The following MYH10 variants were observed in gnomAD, a reference collection of about 807,000 sequenced individuals.
MYH10 encodes myosin heavy chain 10, also known as myosin-10.
Under a neutral mutation model 257.8 loss-of-function variants are expected in MYH10, and 55 were observed. That is an observed-to-expected ratio of 0.21 (90% CI 0.17 to 0.27). MYH10 has a LOEUF of 0.27. Among genes scored for constraint, MYH10 ranks in the 10% least tolerant of loss-of-function variants. The pLI is 1.00. For missense variants in MYH10, 1,631 were observed against 2,500.6 expected (o/e 0.65, Z 7.42); for synonymous variants, 854 against 921.7 (o/e 0.93, Z 1.33).
At chr17:8,596,213 C>CAA (rs1163851808) in intron 3 of MYH10, among the ~76,000 whole-genome samples, 1 of 148,924 alleles carries the variant, frequency 6.7e-6, no homozygotes, top group African/African-American at 2.5e-5. Context: ...AGTGCAGTGG[C>CAA]GCGATCTTGG....
intron 1 of MYH10, among the ~76,000 whole-genome samples, chr17:8,629,962 CCCGG>C (rs903792077): frequency 9.9e-5 from 15 of 152,084 alleles, no homozygotes; most frequent in Admixed American, 7.2e-4. Flanking sequence ...CGCGCGCTTC[CCCGG>C]CCGCGCAGAG....
At chr17:8,591,473 C>T (rs1054346936) in intron 3 of MYH10, among the ~76,000 whole-genome samples, 10 of 152,120 alleles carry the variant, frequency 6.6e-5, no homozygotes, top group African/African-American at 2.2e-4. Context: ...ACCTATAAAC[C>T]ATGATTTTAC....
chr17:8,495,642 CAT>C (rs1181169750), intron 30 of MYH10, among the ~76,000 whole-genome samples: 1 of 152,084 alleles, frequency 6.6e-6, no homozygotes. Context: ...ATGCGTTAAC[CAT>C]ATGTTTTGGG....
In MYH10 at chr17:8,569,911, A is replaced by G; in HGVS notation, c.664-99T>C. On this transcript the variant is annotated intron_variant, in intron 6 of 42. Coordinates refer to ENST00000360416, the MANE Select transcript of MYH10 (RefSeq NM_001256012.3). The surrounding 1 kb of genome is among the most constrained non-coding windows in gnomAD (Gnocchi z 4.1). ...GAAAAATTTCTAAAAAAGAAACTGC[A>G]TCTTTTCCTCAGTTCTTTCATTCTG... 1.2e-6 allele frequency: 1 copy of G among 841,096 alleles called. No individual in the cohort carries two copies. The highest frequency in any genetic ancestry group is 2.0e-5 in the South Asian group (1 of 50,026). The allele number at this position is 841,096 out of a possible 1,614,324, so 52.1% of individuals were successfully genotyped here.
chr17:8,518,807 T>G lies in MYH10; in HGVS notation c.2344-16A>C, dbSNP rs368543193. ...AAGCCCGGATCTAAGAGAGAAAGAG[T>G]TTATTTACTTTTTTTAACTACAAGA... On this transcript the variant is annotated splice_polypyrimidine_tract_variant and intron_variant, in intron 20 of 42. Coordinates refer to ENST00000360416, the MANE Select transcript of MYH10 (RefSeq NM_001256012.3). 3.7e-5 allele frequency: 60 copies of G among 1,604,054 alleles called. No individual in the cohort carries two copies. The highest frequency in any genetic ancestry group is 4.8e-5 in the Non-Finnish European group (57 of 1,177,216).
chr17:8,531,481 A>G (rs1308783634), intron 16 of MYH10, among the ~76,000 whole-genome samples: 1 of 152,122 alleles, frequency 6.6e-6, no homozygotes, highest in Non-Finnish European at 1.5e-5. Context: ...GCTGCCACCA[A>G]TAAATCTTAT....
chr17:8,589,952 C>T (rs566373315), intron 3 of MYH10, among the ~76,000 whole-genome samples: 1 of 152,172 alleles, frequency 6.6e-6, no homozygotes, highest in African/African-American at 2.4e-5. Context: ...TACGAAGGGG[C>T]AAGGTTGCCA....
chr17:8,530,730 CA>C (rs1433367081), intron 16 of MYH10, 45 bp from the exon 17 acceptor site: 3 of 1,399,922 alleles, frequency 2.1e-6, no homozygotes, highest in African/African-American at 1.4e-5. Flanking sequence ...AGCAAATACA[CA>C]AACACTTCAG....
chr17:8,481,414 A>G lies in MYH10; in HGVS notation c.5176-4T>C. 6.2e-7 allele frequency: 1 copy of G among 1,613,760 alleles called. No homozygotes were observed. The highest frequency in any genetic ancestry group is 2.2e-5 in the East Asian group (1 of 44,856). On this transcript the variant is annotated splice_region_variant and splice_polypyrimidine_tract_variant and intron_variant, in intron 37 of 42. Coordinates refer to ENST00000360416, the MANE Select transcript of MYH10 (RefSeq NM_001256012.3). ...CTCGCTCAGATGAGGCAAGTTCCTA[A>G]GCAGTGGAGACTGCGTTAAGCTCTG...
Position 8,478,433 on chromosome 17 carries a change from C to T in MYH10, c.5611G>A (p.Ala1871Thr), listed in dbSNP as rs767038599. Residue 1871 changes from alanine to threonine, a missense_variant, in exon 41 of 43, where the codon GCC becomes ACC. Around this residue, in one of 11 missense-constraint regions of MYH10, gnomAD observed 343 missense variants for 389.5 expected, o/e 0.88. Coordinates refer to ENST00000360416, the MANE Select transcript of MYH10 (RefSeq NM_001256012.3). Reference sequence around the variant, plus strand: ...TCAGTGCGACGGACTAATTTGTTGGCGGCTGCTCGTTCCCTGTGAAAGTGG... The same window carrying T: ...TCAGTGCGACGGACTAATTTGTTGGTGGCTGCTCGTTCCCTGTGAAAGTGG... ...LEQEAKERAA[A>T]NKLVRRTEKK... 2.2e-5 allele frequency: 36 copies of T among 1,614,052 alleles called. No homozygotes were observed. Among genetic ancestry groups the T allele is most frequent in the Admixed American group, 1.3e-4 (8 of 60,010 alleles).
intron 2 of MYH10, among the ~76,000 whole-genome samples, chr17:8,619,560 C>G (rs373978313): frequency 2.4e-4 from 37 of 152,194 alleles, no homozygotes; most frequent in Middle Eastern, 3.4e-3. Flanking sequence ...AAATGTAATC[C>G]TAAGCCAACA....
intron 29 of MYH10, 59 bp from the exon 30 acceptor site, chr17:8,499,535 G>T: frequency 6.5e-7 from 1 of 1,540,832 alleles, no homozygotes; most frequent in Non-Finnish European, 9.0e-7. Flanking sequence ...CCATACAGAG[G>T]ACTGCTTTTT....
chr17:8,560,195 C>CT (rs952730276), intron 7 of MYH10, among the ~76,000 whole-genome samples: 13 of 151,236 alleles, frequency 8.6e-5, no homozygotes, highest in African/African-American at 2.4e-4. Context: ...ATACTATTTC[C>CT]TTTTTTTTTC....
At chr17:8,590,718 TAC>T (rs2084095801) in intron 3 of MYH10, among the ~76,000 whole-genome samples, 1 of 152,044 alleles carries the variant, frequency 6.6e-6, no homozygotes. Flanking sequence ...TTCATTTACT[TAC>T]ACAGAGATCA....
rs979597530 is a variant in MYH10 at position 8,490,402 on chromosome 17, C to T, written c.4822G>A (p.Glu1608Lys). The T allele has an allele frequency of 6.8e-6, 11 of 1,614,180 alleles. No individual in the cohort carries two copies. Among genetic ancestry groups the T allele is most frequent in the Admixed American group, 1.7e-5 (1 of 60,032 alleles). ...VNMQAMKAQF[E>K]RDLQTRDEQN... ...TCATCCCTGGTTTGCAGGTCTCTCT[C>T]GAACTGCGCCTTCATGGCCTGCATG... The change falls in exon 35 of 43, where the codon GAG becomes AAG. Residue 1608 changes from glutamate to lysine, a missense_variant. Coordinates refer to ENST00000360416, the MANE Select transcript of MYH10 (RefSeq NM_001256012.3). The surrounding 1 kb of genome is among the most constrained non-coding windows in gnomAD (Gnocchi z 4.1).
At chr17:8,554,784 T>G (rs1253933973) in intron 7 of MYH10, among the ~76,000 whole-genome samples, 1 of 152,162 alleles carries the variant, frequency 6.6e-6, no homozygotes, top group Non-Finnish European at 1.5e-5. Context: ...ACCCCGTCTC[T>G]ACTAAAAATA....
intron 17 of MYH10, among the ~76,000 whole-genome samples, chr17:8,530,342 C>A (rs1009545217): frequency 2.6e-5 from 4 of 152,098 alleles, no homozygotes; most frequent in Admixed American, 1.3e-4. Flanking sequence ...TTTTAATATG[C>A]GGTGCTATAA....
Position 8,595,225 on chromosome 17 carries a change from T to C in MYH10, c.503-6117A>G, listed in dbSNP as rs368239599. The stretch of plus-strand genomic sequence containing the variant: ...AGTGTTTATTCCTAGCGTTTATTTA[T>C]TTTTGGCTACAGTAAAGGATAATGG... On this transcript the variant is annotated intron_variant, in intron 3 of 42. Coordinates refer to ENST00000360416, the MANE Select transcript of MYH10 (RefSeq NM_001256012.3). Among the ~76,000 whole-genome samples the C allele has an allele frequency of 2.8e-4, 42 of 152,288 alleles. No individual in the cohort carries two copies. In the East Asian group the frequency reaches 6.6e-3, roughly 24 times the overall value.
chr17:8,591,962 T>C (rs2084159371), intron 3 of MYH10, among the ~76,000 whole-genome samples: 1 of 152,218 alleles, frequency 6.6e-6, no homozygotes, highest in Admixed American at 6.5e-5. Flanking sequence ...CTCTGTACCC[T>C]TCAAGGATCA....
Sources: gnomAD v4.1 joint callset for allele counts (sites outside exome capture counted in the v4.1 genomes callset) on GRCh38, gnomAD v4.1.1 for gene constraint, gnomAD v4.1.1 regional missense constraint, Gnocchi (gnomAD v3.1) non-coding constraint, MANE v1.5 for transcripts, NCBI Gene and HGNC (gene_info 2026-07-23, HGNC 2026-07-21) for gene names.